The following RBFOX1 variants were observed in gnomAD, a reference collection of about 807,000 sequenced individuals.
The protein encoded by RBFOX1 is RNA binding fox-1 homolog 1.
A neutral mutation model predicts 57.7 loss-of-function variants in RBFOX1; 8 were observed. The ratio of observed to expected loss-of-function variants is 0.14; its 90% CI spans 0.08 to 0.25. The LOEUF (loss-of-function observed/expected upper bound fraction) is 0.25, where lower values mean the gene tolerates loss of function less well. Among genes scored for constraint, RBFOX1 ranks in the 10% least tolerant of loss-of-function variants. RBFOX1 has a pLI of 1.00. For synonymous variants in RBFOX1, 326 were observed against 222.4 expected (o/e 1.47, Z -4.15); for missense variants, 611 against 548.5 (o/e 1.11, Z -1.14).
chr16:6,819,713 A>T (rs1431656415), intron 3 of RBFOX1, among the ~76,000 whole-genome samples: 2 of 134,820 alleles, frequency 1.5e-5, no homozygotes, highest in Admixed American at 1.6e-4. Context: ...CTCAAAAAAA[A>T]AAAAAAAAAA....
chr16:7,163,784 G>A (rs1258401161), intron 4 of RBFOX1, among the ~76,000 whole-genome samples: 9 of 152,196 alleles, frequency 5.9e-5, no homozygotes, highest in African/African-American at 1.9e-4. Context: ...AGTCTTTCAA[G>A]TAGCTGGGAC....
At chr16:6,321,600 T>A (rs2081802535) in intron 2 of RBFOX1, among the ~76,000 whole-genome samples, 1 of 152,210 alleles carries the variant, frequency 6.6e-6, no homozygotes, top group Non-Finnish European at 1.5e-5. Flanking sequence ...AAATAGTATA[T>A]CACCTCTGAT....
chr16:7,247,883 T>G (rs2094365210), intron 4 of RBFOX1, among the ~76,000 whole-genome samples: 1 of 152,192 alleles, frequency 6.6e-6, no homozygotes, highest in East Asian at 1.9e-4. Context: ...CACTGGGGCC[T>G]ATCAGAGGGT....
At chr16:6,023,080 T>TCAAC (rs1185341803) in intron 1 of RBFOX1, among the ~76,000 whole-genome samples, 1 of 152,116 alleles carries the variant, frequency 6.6e-6, no homozygotes, top group African/African-American at 2.4e-5. Flanking sequence ...GCTGATCTAA[T>TCAAC]CAACAGGTAT....
At chr16:7,664,095 C>T (rs963518907) in intron 12 of RBFOX1, among the ~76,000 whole-genome samples, 1 of 152,202 alleles carries the variant, frequency 6.6e-6, no homozygotes, top group Non-Finnish European at 1.5e-5. Context: ...TTTACGTGAA[C>T]ATGCAGATAT....
chr16:5,953,947 A>G (rs1215333395), intron 4 of RBFOX1, among the ~76,000 whole-genome samples: 1 of 152,114 alleles, frequency 6.6e-6, no homozygotes, highest in Non-Finnish European at 1.5e-5. Flanking sequence ...TTCTGTTGCC[A>G]ACCGTGGTAC....
chr16:7,313,884 C>G (rs955057707), intron 4 of RBFOX1, among the ~76,000 whole-genome samples: 6 of 152,168 alleles, frequency 3.9e-5, no homozygotes, highest in African/African-American at 1.4e-4. Context: ...CGGCCAGTGG[C>G]TGGTTCTGTA....
chr16:6,997,797 G>A (rs1234304826), intron 3 of RBFOX1, among the ~76,000 whole-genome samples: 1 of 152,044 alleles, frequency 6.6e-6, no homozygotes, highest in Non-Finnish European at 1.5e-5. Context: ...TTTCTCTGAG[G>A]TAGGGTTTCT....
intron 1 of RBFOX1, among the ~76,000 whole-genome samples, chr16:5,430,263 C>A (rs184834126): frequency 7.2e-5 from 11 of 152,138 alleles, no homozygotes; most frequent in Admixed American, 3.3e-4. Flanking sequence ...GGTGGTGGGG[C>A]CTGACCTGGG....
At chr16:5,729,183 G>A (rs766530832) in intron 3 of RBFOX1, among the ~76,000 whole-genome samples, 3 of 152,270 alleles carry the variant, frequency 2.0e-5, no homozygotes, top group East Asian at 3.9e-4. Context: ...GTCTTTGGGC[G>A]AGGGGCTTAG....
At chr16:7,122,889 T>C (rs1015581098) in intron 4 of RBFOX1, among the ~76,000 whole-genome samples, 2 of 152,152 alleles carry the variant, frequency 1.3e-5, no homozygotes, top group Non-Finnish European at 2.9e-5. Context: ...ACTATTGATA[T>C]ATGTGACAAC....
chr16:6,017,008 AATCT>A (rs1380611042), upstream of RBFOX1, among the ~76,000 whole-genome samples: 3 of 152,246 alleles, frequency 2.0e-5, no homozygotes, highest in Non-Finnish European at 2.9e-5. Flanking sequence ...ACTCATCACT[AATCT>A]ATCTAAGCCT....
chr16:5,246,947 A>G (rs2062316697), intron 1 of RBFOX1, among the ~76,000 whole-genome samples: 1 of 152,328 alleles, frequency 6.6e-6, no homozygotes, highest in South Asian at 2.1e-4. Context: ...CTGGGATTAC[A>G]GACATGAGCC....
rs201200860 is a variant in RBFOX1 at position 5,908,157 on chromosome 16, C to CAT, written c.351+40830_351+40831dup. On this transcript the variant is annotated intron_variant, in intron 4 of 19. Transcript: ENST00000641259. ...ATACACATATATACACATATATACA[C>CAT]ATATATATACACATATATACACATA... is the stretch of plus-strand genomic sequence containing the variant. Among the ~76,000 whole-genome samples, 47 of 123,138 alleles carry CAT rather than the reference C, an allele frequency of 3.8e-4. 3 individuals are homozygous for CAT. The highest frequency in any genetic ancestry group is 1.2e-3 in the Admixed American group (15 of 12,712). The allele number at this position is 123,138 out of a possible 152,430, so 80.8% of individuals were successfully genotyped here. A position where few individuals can be genotyped will look rare whatever the true frequency, so the allele number is the denominator to read the frequency against.
chr16:7,427,899 C>G (rs975857891), intron 4 of RBFOX1, among the ~76,000 whole-genome samples: 1 of 152,176 alleles, frequency 6.6e-6, no homozygotes, highest in Non-Finnish European at 1.5e-5. Context: ...GATGATCTGC[C>G]TGCCTTGGCC....
chr16:5,357,915 G>C (rs1246929398), intron 1 of RBFOX1, among the ~76,000 whole-genome samples: 1 of 152,212 alleles, frequency 6.6e-6, no homozygotes, highest in African/African-American at 2.4e-5. Context: ...TGACGATTAG[G>C]AATACTAATA....
At chr16:5,872,328 T>G (rs895315001) in intron 4 of RBFOX1, among the ~76,000 whole-genome samples, 1 of 152,218 alleles carries the variant, frequency 6.6e-6, no homozygotes, top group Admixed American at 6.5e-5. Flanking sequence ...ACTTGTGAGT[T>G]ATGTGACTGT....
rs536900523 is a variant in RBFOX1 at position 7,630,537 on chromosome 16, C to T, written c.677-66C>T. ...TTCTCTGCATTTCTCGGTTGCATTG[C>T]CGTGATCTCTCAGGTGTAGTGTACC... On this transcript the variant is annotated intron_variant, in intron 10 of 15. Coordinates refer to ENST00000550418, the MANE Select transcript of RBFOX1 (RefSeq NM_018723.4). 4.4e-6 allele frequency: 7 copies of T among 1,602,078 alleles called. No homozygotes were observed. In the South Asian group the frequency reaches 5.6e-5, roughly 13 times the overall value.
At chr16:6,105,788 G>T (rs987241655) in intron 1 of RBFOX1, among the ~76,000 whole-genome samples, 1 of 151,944 alleles carries the variant, frequency 6.6e-6, no homozygotes, top group South Asian at 2.1e-4. Flanking sequence ...TTTCCTGTAT[G>T]TATGTGAGAA....
Sources: allele counts gnomAD v4.1 joint callset (sites outside exome capture counted in the v4.1 genomes callset), GRCh38; gene constraint gnomAD v4.1.1; transcripts MANE v1.5; gene names NCBI Gene and HGNC (gene_info 2026-07-23, HGNC 2026-07-21).